Variants in MAN2B2 observed in about 807,000 individuals in gnomAD.
MAN2B2 encodes epididymis-specific alpha-mannosidase.
MAN2B2 carries 106 observed loss-of-function variants against 117.1 expected under a neutral mutation model. The observed-to-expected ratio is 0.90, with a 90% CI of 0.77 to 1.06. The LOEUF (loss-of-function observed/expected upper bound fraction) is 1.06. Among genes scored for constraint, MAN2B2 ranks in the 50% least tolerant of loss-of-function variants. The pLI, the probability that MAN2B2 is intolerant of heterozygous loss-of-function variation, is 0.00. For synonymous variants in MAN2B2, 544 were observed against 595.1 expected, an observed-to-expected ratio of 0.91 and a Z score of 1.25; for missense variants, 1,326 against 1,381.4, an observed-to-expected ratio of 0.96 and a Z score of 0.64.
chr4:6,598,496 C>A (rs1727199813), intron 9 of MAN2B2, 142 bp downstream of exon 9: 2 of 851,036 alleles, frequency 2.4e-6, no homozygotes, highest in Non-Finnish European at 3.5e-6. Flanking sequence ...AGAGCTCGGA[C>A]AGGTGGCTTC....
chr4:6,607,964 T>G (rs1727615279), intron 11 of MAN2B2, among the ~76,000 whole-genome samples: 1 of 152,242 alleles, frequency 6.6e-6, no homozygotes, highest in East Asian at 1.9e-4. Flanking sequence ...GGTTTCGATT[T>G]GCATTTCCCT....
In MAN2B2 at chr4:6,593,316, C is replaced by G. The variant is rs781014254; in HGVS notation, c.824C>G (p.Ala275Gly). The change falls in exon 6 of 19, where the codon GCC becomes GGC. Residue 275 changes from alanine to glycine, a missense_variant. Physicochemically the swap from Ala to Gly is moderately conservative, Grantham distance 60. Transcript: ENST00000285599. ...GTGGCCAACGTGAAGCAGAGGGCCGCCTGGTTCCGGACACCGCACGTCCTC... is the reference window on the plus strand; with the variant it reads ...GTGGCCAACGTGAAGCAGAGGGCCGGCTGGTTCCGGACACCGCACGTCCTC... ...ALVANVKQRA[A>G]WFRTPHVLWP... 4 of 1,613,534 alleles carry G rather than the reference C, an allele frequency of 2.5e-6. No individual in the cohort carries two copies. The highest frequency in any genetic ancestry group is 3.4e-6 in the Non-Finnish European group (4 of 1,179,856).
At chr4:6,578,561 A>T in intron 3 of MAN2B2, 63 bp downstream of exon 3, 2 of 1,370,896 alleles carry the variant, frequency 1.5e-6, no homozygotes, top group Middle Eastern at 3.6e-4. Context: ...GGGACATGGT[A>T]TCAGAACCCC....
chr4:6,593,506 T>C (rs1726941215), intron 6 of MAN2B2, among the ~76,000 whole-genome samples, 156 bp downstream of exon 6: 1 of 152,080 alleles, frequency 6.6e-6, no homozygotes, highest in African/African-American at 2.4e-5. Flanking sequence ...CCCCTGGGCC[T>C]CTCCCACTCT....
At position 6,614,364 on chromosome 4, in the gene MAN2B2, G is replaced by C; in HGVS notation, c.2701+9G>C. On this transcript the variant is annotated intron_variant, in intron 16 of 18. Coordinates refer to ENST00000285599, the MANE Select transcript of MAN2B2 (RefSeq NM_015274.3). Reference sequence around the variant, plus strand: ...TCAGAATCTCCGGAAAGGTGAGGCAGGTGCCCTGGCGTCTCAGACCTGCTC... The same window carrying C: ...TCAGAATCTCCGGAAAGGTGAGGCACGTGCCCTGGCGTCTCAGACCTGCTC... 2 of 1,613,002 alleles carry C rather than the reference G, an allele frequency of 1.2e-6. No individual in the cohort carries two copies. The highest frequency in any genetic ancestry group is 1.7e-5 in the Admixed American group (1 of 59,980).
chr4:6,600,555 A>C, intron 9 of MAN2B2, 68 bp from the exon 10 acceptor site: 1 of 1,569,332 alleles, frequency 6.4e-7, no homozygotes, highest in Non-Finnish European at 8.7e-7. Flanking sequence ...ACTGAGGTGC[A>C]GCCAGTGAGC....
At chr4:6,603,471 C>T (rs1727413635) in intron 10 of MAN2B2, among the ~76,000 whole-genome samples, 1 of 152,044 alleles carries the variant, frequency 6.6e-6, no homozygotes, top group South Asian at 2.1e-4. Context: ...GAACTGAGAC[C>T]GAGGAGGAGT....
At chr4:6,613,136 T>G (rs918658783) in intron 15 of MAN2B2, among the ~76,000 whole-genome samples, 2 of 152,192 alleles carry the variant, frequency 1.3e-5, no homozygotes, top group African/African-American at 4.8e-5. Context: ...AGGTGGCCCA[T>G]GCCTGGACCA....
chr4:6,619,700 G>T (rs1245024707), intron 17 of MAN2B2: 3 of 478,162 alleles, frequency 6.3e-6, no homozygotes, highest in Non-Finnish European at 1.1e-5. Flanking sequence ...ACCTGGTAAA[G>T]CATGCACCTC....
At chr4:6,579,372 A>C in intron 3 of MAN2B2, among the ~76,000 whole-genome samples, 2 of 75,930 alleles carry the variant, frequency 2.6e-5, no homozygotes, top group Non-Finnish European at 5.7e-5. Flanking sequence ...CACCATCACC[A>C]CCACCACCAC....
intron 11 of MAN2B2, among the ~76,000 whole-genome samples, chr4:6,606,034 G>A (rs942243598): frequency 6.6e-6 from 1 of 152,216 alleles, no homozygotes; most frequent in Non-Finnish European, 1.5e-5. Context: ...GCCACGTCCG[G>A]TGGAGTCTTC....
intron 3 of MAN2B2, among the ~76,000 whole-genome samples, chr4:6,579,325 C>CCAT (rs1560635092): frequency 1.7e-5 from 1 of 57,340 alleles, no homozygotes; most frequent in Non-Finnish European, 4.1e-5. Flanking sequence ...ACCATCACCA[C>CCAT]CACCACCACC....
chr4:6,612,111 G>T (rs1395930869), intron 15 of MAN2B2, among the ~76,000 whole-genome samples: 2 of 152,156 alleles, frequency 1.3e-5, no homozygotes, highest in African/African-American at 4.8e-5. Context: ...TGCTTTTAAG[G>T]TTCTCCCTGC....
Position 6,575,217 on chromosome 4 carries a change from C to A in MAN2B2, c.7C>A (p.Gln3Lys). Residue 3 changes from glutamine to lysine, a missense_variant, in exon 1 of 19, where the codon CAG (glutamine) becomes AAG (lysine). Coordinates refer to ENST00000285599, the MANE Select transcript of MAN2B2 (RefSeq NM_015274.3). ...TTCCCGGCCTGCCGCAGGGATGGGG[C>A]AGCTGTGCTGGCTGCCGCTGCTGGC... MG[Q>K]LCWLPLLAPL... 6.7e-6 allele frequency: 10 copies of A among 1,490,408 alleles called. No homozygotes were observed. The highest frequency in any genetic ancestry group is 9.0e-6 in the Non-Finnish European group (10 of 1,106,494). 92.3% of individuals were successfully genotyped at this position (1,490,408 alleles called of 1,614,324 possible). A position where few individuals can be genotyped will look rare whatever the true frequency, so the allele number is the denominator to read the frequency against.
chr4:6,619,822 T>A (rs1432949763), intron 17 of MAN2B2, 105 bp from the exon 18 acceptor site: 1 of 969,074 alleles, frequency 1.0e-6, no homozygotes, highest in Non-Finnish European at 1.6e-6. Context: ...CCTGGGCTCC[T>A]GAGGACACCG....
In MAN2B2 at chr4:6,619,971, C is replaced by T; in HGVS notation, c.2859C>T (p.Arg953=). 6.2e-7 allele frequency: 1 copy of T among 1,614,042 alleles called. No homozygotes were observed. Among genetic ancestry groups the T allele is most frequent in the Non-Finnish European group, 8.5e-7 (1 of 1,180,008 alleles). ...ALGSVVAVEE[R]SLTGTWDLSM... is the part of the protein sequence containing the mutation. ...GGTCCGTGGTGGCAGTGGAGGAGCGCTCGCTCACAGGGACCTGGGATTTGA... is the reference window on the plus strand; with the variant it reads ...GGTCCGTGGTGGCAGTGGAGGAGCGTTCGCTCACAGGGACCTGGGATTTGA... Residue 953 remains arginine, a synonymous_variant, in exon 18 of 19, where the codon CGC becomes CGT. Coordinates refer to ENST00000285599, the MANE Select transcript of MAN2B2 (RefSeq NM_015274.3).
chr4:6,611,061 C>A (rs1424291060), intron 14 of MAN2B2, 25 bp from the exon 15 acceptor site: 24 of 1,611,498 alleles, frequency 1.5e-5, no homozygotes, highest in Non-Finnish European at 2.0e-5. Context: ...GCAAGCCGGG[C>A]CTCTCGGACA....
Position 6,610,039 on chromosome 4 carries a change from A to G in MAN2B2, c.2248A>G (p.Ser750Gly). 6 of 1,614,132 alleles carry G rather than the reference A, an allele frequency of 3.7e-6. No individual in the cohort carries two copies. Among genetic ancestry groups the G allele is most frequent in the Admixed American group, 1.7e-5 (1 of 60,014 alleles). The change falls in exon 13 of 19, where the codon AGC (serine) becomes GGC (glycine). Residue 750 changes from serine to glycine, a missense_variant. Physicochemically the swap from Ser to Gly is moderately conservative, Grantham distance 56 (BLOSUM62 0). Transcript: ENST00000285599. ...GCCCTACGTTTCCTATGTGAACAAC[A>G]GCATCGCCCGGGTATGTCCTGCAAT... is the stretch of plus-strand genomic sequence containing the variant. ...RRPYVSYVNN[S>G]IARNYYPMVQ... is the part of the protein sequence containing the mutation.
chr4:6,589,197 C>T (rs1157487484), intron 5 of MAN2B2, 37 bp downstream of exon 5: 1 of 1,494,518 alleles, frequency 6.7e-7, no homozygotes, highest in African/African-American at 1.4e-5. Flanking sequence ...GGATCTCAGA[C>T]AGCAGGGTCT....
Sources: allele counts gnomAD v4.1 joint callset (sites outside exome capture counted in the v4.1 genomes callset), GRCh38; gene constraint gnomAD v4.1.1; transcripts MANE v1.5; gene names NCBI Gene and HGNC (gene_info 2026-07-23, HGNC 2026-07-21).